Variants in PTDSS2 observed in about 807,000 individuals in gnomAD.
PTDSS2 encodes phosphatidylserine synthase 2.
In PTDSS2, 41 loss-of-function variants were observed where a neutral mutation model predicts 64.7. That is an observed-to-expected ratio of 0.63 (90% CI 0.49 to 0.82). PTDSS2 has a LOEUF of 0.82. Among genes scored for constraint, PTDSS2 ranks in the 40% least tolerant of loss-of-function variants. The pLI is 0.00. For missense variants in PTDSS2, 485 were observed against 650.0 expected (o/e 0.75, Z 2.76); for synonymous variants, 297 against 277.8 (o/e 1.07, Z -0.69).
Position 488,658 on chromosome 11 carries a change from G to A in PTDSS2, c.854+11G>A. ...CATTCCGACCTACAAGTACGTCGTG[G>A]GGGCTGCGAGGGCAGGGCCGGGTGG... is the stretch of plus-strand genomic sequence containing the variant. On this transcript the variant is annotated intron_variant, in intron 8 of 11. Transcript: ENST00000308020. 3 of 1,588,524 alleles carry A rather than the reference G, an allele frequency of 1.9e-6. No individual in the cohort carries two copies. The highest frequency in any genetic ancestry group is 2.6e-6 in the Non-Finnish European group (3 of 1,159,872).
At position 450,395 on chromosome 11, in the gene PTDSS2, C is replaced by G; in HGVS notation, c.-61C>G. 1 of 1,204,002 alleles carries G rather than the reference C, an allele frequency of 8.3e-7. No individual in the cohort carries two copies. Among genetic ancestry groups the G allele is most frequent in the Non-Finnish European group, 1.0e-6 (1 of 965,892 alleles). 74.6% of individuals were successfully genotyped at this position (1,204,002 alleles called of 1,614,324 possible). On this transcript the variant is annotated 5_prime_UTR_variant, in exon 1 of 12. Coordinates refer to ENST00000308020, the MANE Select transcript of PTDSS2 (RefSeq NM_030783.3). The stretch of plus-strand genomic sequence containing the variant: ...GCGCTGTGTGCGGCGCGTCCTCTCG[C>G]CGGTGACCCGGTGTGCGTGGGGTCG...
intron 2 of PTDSS2, among the ~76,000 whole-genome samples, chr11:467,958 G>A (rs547501977): frequency 1.3e-5 from 2 of 152,220 alleles, no homozygotes; most frequent in African/African-American, 4.8e-5. Flanking sequence ...GCAACATACT[G>A]AGACCCCATC....
chr11:471,995 CGGCCTGGGGTG>C (rs1189891333), intron 2 of PTDSS2, among the ~76,000 whole-genome samples: 12 of 128,028 alleles, frequency 9.4e-5, no homozygotes, highest in Non-Finnish European at 1.5e-4. Flanking sequence ...ACGCGGATGG[CGGCCTGGGGTG>C]ACGCGGATGG....
At position 476,393 on chromosome 11, in the gene PTDSS2, C is replaced by T. The variant is rs976948363; in HGVS notation, c.367+2416C>T. ...GGCGCGGTGATGGTGAGAAACTTCC[C>T]GGCACACAGTGAAAAGCCTGGTGCA... On this transcript the variant is annotated intron_variant, in intron 3 of 11. Coordinates refer to ENST00000308020, the MANE Select transcript of PTDSS2 (RefSeq NM_030783.3). The surrounding 1 kb of genome is among the most constrained non-coding windows in gnomAD (Gnocchi z 4.9). Among the ~76,000 whole-genome samples, 1 of 152,152 alleles carries T rather than the reference C, an allele frequency of 6.6e-6. No homozygotes were observed. The highest frequency in any genetic ancestry group is 1.5e-5 in the Non-Finnish European group (1 of 68,024).
At chr11:459,980 G>T (rs1330346788) in intron 1 of PTDSS2, 5 of 559,356 alleles carry the variant, frequency 8.9e-6, no homozygotes, top group Non-Finnish European at 6.5e-6. Context: ...AGCCTCCTGG[G>T]GGCTGGTCTC....
rs1491541181 is a variant in PTDSS2 at position 490,786 on chromosome 11, ATG to A, written c.*205_*206del. 22 of 596,084 alleles carry A rather than the reference ATG, an allele frequency of 3.7e-5. No individual in the cohort carries two copies. The highest frequency in any genetic ancestry group is 3.0e-4 in the African/African-American group (15 of 50,024). The allele number at this position is 596,084 out of a possible 1,614,324, so 36.9% of individuals were successfully genotyped here. On this transcript the variant is annotated 3_prime_UTR_variant, in exon 12 of 12. Transcript: ENST00000308020. Reference sequence around the variant, plus strand: ...CATGTGTACACGTGTGTACGTGTGTATGCGTGTGTGTACGCGTGTGTACGCGC... The same window carrying A: ...CATGTGTACACGTGTGTACGTGTGTACGTGTGTGTACGCGTGTGTACGCGC...
rs550037846 is a variant in PTDSS2 at position 489,717 on chromosome 11, G to A, written c.1099G>A (p.Asp367Asn). The A allele has an allele frequency of 2.5e-6, 4 of 1,608,740 alleles. No homozygotes were observed. Among genetic ancestry groups the A allele is most frequent in the Non-Finnish European group, 3.4e-6 (4 of 1,177,960 alleles). Residue 367 changes from aspartate (D) to asparagine (N), a missense_variant, in exon 10 of 12, where the codon GAC becomes AAC. Physicochemically the swap from Asp to Asn is conservative, Grantham distance 23. This residue lies in a region of PTDSS2 where 219 missense variants were observed against 257.3 expected (regional missense o/e 0.85). Transcript: ENST00000308020. ...TGGCGTGGCCATGCGTGAGATCTACGACTTCATGGATGACCCGTGAGGGCT... is the reference window on the plus strand; with the variant it reads ...TGGCGTGGCCATGCGTGAGATCTACAACTTCATGGATGACCCGTGAGGGCT... ...VGGVAMREIY[D>N]FMDDPKPHKK... is the part of the protein sequence containing the mutation.
rs369499273 is a variant in PTDSS2 at position 487,443 on chromosome 11, C to A, written c.594C>A (p.Pro198=). The change falls in exon 6 of 12, where the codon CCC becomes CCA. Residue 198 remains proline, a synonymous_variant. Transcript: ENST00000308020. Reference sequence around the variant, plus strand: ...AGGACAAGTTGGATGGCTTTGTTCCCGCGCACTTTCTTGGCTGGTACCTGA... The same window carrying A: ...AGGACAAGTTGGATGGCTTTGTTCCAGCGCACTTTCTTGGCTGGTACCTGA... ...NIWDKLDGFV[P]AHFLGWYLKT... 3.1e-6 allele frequency: 5 copies of A among 1,613,996 alleles called. No homozygotes were observed. The highest frequency in any genetic ancestry group is 4.2e-6 in the Non-Finnish European group (5 of 1,179,994).
In PTDSS2 at chr11:490,030, C is replaced by T. The variant is rs756682056; in HGVS notation, c.1263C>T (p.Val421=). 3.7e-6 allele frequency: 6 copies of T among 1,611,136 alleles called. No homozygotes were observed. In the South Asian group the frequency reaches 6.6e-5, roughly 18 times the overall value. ...YISQCWTLGS[V]LALTWTVWRF... Reference sequence around the variant, plus strand: ...CCCAGTGCTGGACCCTCGGCTCCGTCCTGGCGCTCACCTGGACCGTCTGGC... The same window carrying T: ...CCCAGTGCTGGACCCTCGGCTCCGTTCTGGCGCTCACCTGGACCGTCTGGC... Residue 421 remains valine, a synonymous_variant, in exon 11 of 12, where the codon GTC becomes GTT. Transcript: ENST00000308020.
intron 2 of PTDSS2, among the ~76,000 whole-genome samples, chr11:472,078 C>T (rs1175204203): frequency 6.7e-6 from 1 of 150,148 alleles, no homozygotes; most frequent in Non-Finnish European, 1.5e-5. Context: ...GGATGGCGGC[C>T]TGGGGTGACA....
At chr11:475,870 T>C (rs942776909) in intron 3 of PTDSS2, among the ~76,000 whole-genome samples, 3 of 152,254 alleles carry the variant, frequency 2.0e-5, no homozygotes, top group African/African-American at 7.2e-5. Context: ...TAGGCTGTGG[T>C]GAATTTTTTC....
chr11:452,273 C>T (rs149577071), intron 1 of PTDSS2, among the ~76,000 whole-genome samples: 4 of 152,344 alleles, frequency 2.6e-5, no homozygotes, highest in Non-Finnish European at 4.4e-5. Flanking sequence ...TTCTACGGGA[C>T]ATAGCAGAGA....
chr11:489,312 G>C (rs1013477422), intron 8 of PTDSS2, 88 bp from the exon 9 acceptor site: 4 of 1,125,840 alleles, frequency 3.6e-6, no homozygotes, highest in Middle Eastern at 4.4e-4. Flanking sequence ...GGGCGGGGCC[G>C]GGTGACCAGG....
intron 1 of PTDSS2, among the ~76,000 whole-genome samples, chr11:451,753 G>A (rs1157406633): frequency 1.3e-5 from 2 of 152,180 alleles, no homozygotes; most frequent in African/African-American, 4.8e-5. Flanking sequence ...GCCTGTCACC[G>A]CAGCCGAAGC....
chr11:462,754 GCACACAGGGTGCCCA>G lies in PTDSS2; in HGVS notation c.284+2478_284+2492del, dbSNP rs1288534839. Among the ~76,000 whole-genome samples, 4 of 152,074 alleles carry G rather than the reference GCACACAGGGTGCCCA, an allele frequency of 2.6e-5. No individual in the cohort carries two copies. Among genetic ancestry groups the G allele is most frequent in the Non-Finnish European group, 4.4e-5 (3 of 67,990 alleles). ...CAGGGTGTCCACACAGAGGGTGTCC[GCACACAGGGTGCCCA>G]CACACAGGGTGTCCCCACACAGGGT... On this transcript the variant is annotated intron_variant, in intron 2 of 11. Transcript: ENST00000308020. The surrounding 1 kb of genome is among the most constrained non-coding windows in gnomAD (Gnocchi z 4.5).
In PTDSS2 at chr11:490,413, T is replaced by A. The variant is rs941191983; in HGVS notation, c.1302-7T>A. The A allele has an allele frequency of 6.2e-7, 1 of 1,613,008 alleles. No homozygotes were observed. The highest frequency in any genetic ancestry group is 8.5e-7 in the Non-Finnish European group (1 of 1,179,920). On this transcript the variant is annotated splice_polypyrimidine_tract_variant and splice_region_variant and intron_variant, in intron 11 of 11. Transcript: ENST00000308020. ...GGCAGGTGGTGACGCTGCATCCCGC[T>A]CCCCAGGGACATCACATTGAGGTAC...
At chr11:475,330 G>A (rs557672355) in intron 3 of PTDSS2, among the ~76,000 whole-genome samples, 158 of 147,878 alleles carry the variant, frequency 1.1e-3, no homozygotes, top group African/African-American at 4.0e-3. Context: ...TGTGTGATAC[G>A]GACATTCACG....
At chr11:477,807 G>A (rs1847880149) in intron 3 of PTDSS2, among the ~76,000 whole-genome samples, 1 of 152,230 alleles carries the variant, frequency 6.6e-6, no homozygotes, top group African/African-American at 2.4e-5. Flanking sequence ...TTCACCACGA[G>A]CCCCTCAAAC....
chr11:462,672 C>T lies in PTDSS2; in HGVS notation c.284+2384C>T, dbSNP rs73385859. ...TGAGTCCATTCTCATGGCCTGGACC[C>T]GCACTGCTGCACACCAGAAGCCCAG... On this transcript the variant is annotated intron_variant, in intron 2 of 11. Transcript: ENST00000308020. The surrounding 1 kb of genome is among the most constrained non-coding windows in gnomAD (Gnocchi z 4.5). Among the ~76,000 whole-genome samples, 5,107 of 152,210 alleles carry T rather than the reference C, an allele frequency of 0.034. 300 individuals are homozygous for T. The highest frequency in any genetic ancestry group is 0.12 in the African/African-American group (4,847 of 41,512).
Sources: gnomAD v4.1 joint callset for allele counts (sites outside exome capture counted in the v4.1 genomes callset) on GRCh38, gnomAD v4.1.1 for gene constraint, gnomAD v4.1.1 regional missense constraint, Gnocchi (gnomAD v3.1) non-coding constraint, MANE v1.5 for transcripts, NCBI Gene and HGNC (gene_info 2026-07-23, HGNC 2026-07-21) for gene names.